F13A1: variants seen among roughly 807,000 people sequenced by gnomAD.
F13A1 encodes the protein coagulation factor XIII A chain, also known as FSF, A subunit.
In F13A1, 47 loss-of-function variants were observed where a neutral mutation model predicts 80.1. That is an observed-to-expected ratio of 0.59 (90% CI 0.46 to 0.75). The LOEUF (loss-of-function observed/expected upper bound fraction) is 0.75, where lower values mean the gene tolerates loss of function less well. Ranked by LOEUF, F13A1 falls within the 30% of genes least tolerant of loss-of-function variation. The probability of loss-of-function intolerance (pLI) is 0.00; values close to 1 mark genes in which losing one functional copy is unlikely to be tolerated. For missense variants in F13A1, 817 were observed against 930.4 expected, an observed-to-expected ratio of 0.88 and a Z score of 1.59; for synonymous variants, 349 against 344.9, an observed-to-expected ratio of 1.01 and a Z score of -0.13.
chr6:6,303,540 G>T (rs564513276), intron 3 of F13A1, among the ~76,000 whole-genome samples: 14 of 152,128 alleles, frequency 9.2e-5, no homozygotes, highest in Admixed American at 6.5e-4. Flanking sequence ...CCATTTCTTT[G>T]TGGTGAGAAT....
intron 11 of F13A1, among the ~76,000 whole-genome samples, chr6:6,181,740 T>C (rs1172872984): frequency 6.6e-6 from 1 of 152,238 alleles, no homozygotes; most frequent in Non-Finnish European, 1.5e-5. Flanking sequence ...AAATTAGGTA[T>C]GACTTTAAAC....
chr6:6,214,333 C>T (rs190219674), intron 8 of F13A1, among the ~76,000 whole-genome samples: 9,275 of 151,704 alleles, frequency 0.061, 417 homozygotes, highest in Admixed American at 0.095. Context: ...AACTATGTCT[C>T]AGACCACAGT....
rs757256449 is a variant in F13A1, at chr6:6,305,332, G to C, written c.319+19C>G. On this transcript the variant is annotated intron_variant, in intron 3 of 14. Coordinates refer to ENST00000264870, the MANE Select transcript of F13A1 (RefSeq NM_000129.4). Reference sequence around the variant, plus strand: ...TGCAACCCATGGTGTCAAGACTGGAGCTTGCACATGGCACTCACCAATGAC... The same window carrying C: ...TGCAACCCATGGTGTCAAGACTGGACCTTGCACATGGCACTCACCAATGAC... The C allele has an allele frequency of 2.5e-6, 4 of 1,613,906 alleles. No individual in the cohort carries two copies. The African/African-American group carries it at 5.3e-5, about 22-fold the overall frequency.
At chr6:6,145,806 G>A (rs1583041214) in intron 14 of F13A1, 34 bp from the exon 15 acceptor site, 2 of 1,613,820 alleles carry the variant, frequency 1.2e-6, no homozygotes, top group Non-Finnish European at 1.7e-6. Flanking sequence ...GAGGTTGGAA[G>A]ATCCAGCTTT....
rs1274704993 is a variant in F13A1 at position 6,299,577 on chromosome 6, C to T, written c.319+5774G>A. 3.7e-4 allele frequency among the ~76,000 whole-genome samples: 52 copies of T among 139,664 alleles called. 3 individuals are homozygous for T. Among genetic ancestry groups the T allele is most frequent in the African/African-American group, 1.4e-3 (46 of 32,112 alleles). The allele number at this position is 139,664 out of a possible 152,430, so 91.6% of individuals were successfully genotyped here. The stretch of plus-strand genomic sequence containing the variant: ...GCTTCTGCATTCTTCACGTAGTTCT[C>T]GAGCCTTGCTTTTCAGCTCCATCAG... On this transcript the variant is annotated intron_variant, in intron 3 of 14. Coordinates refer to ENST00000264870, the MANE Select transcript of F13A1 (RefSeq NM_000129.4).
chr6:6,198,401 GAAA>G (rs1761329741), intron 8 of F13A1, among the ~76,000 whole-genome samples: 1 of 152,154 alleles, frequency 6.6e-6, no homozygotes, highest in Non-Finnish European at 1.5e-5. Context: ...TAGTAATAAA[GAAA>G]GATTTAATAA....
At chr6:6,300,804 G>A (rs376153326) in intron 3 of F13A1, among the ~76,000 whole-genome samples, 2 of 146,456 alleles carry the variant, frequency 1.4e-5, no homozygotes, top group African/African-American at 5.3e-5. Context: ...TTTTAACAAA[G>A]TATTTATTCT....
At chr6:6,303,910 T>C (rs1203693560) in intron 3 of F13A1, among the ~76,000 whole-genome samples, 1 of 152,222 alleles carries the variant, frequency 6.6e-6, no homozygotes, top group Non-Finnish European at 1.5e-5. Flanking sequence ...ATATTTATCT[T>C]CTATCTAGCC....
rs1366920232 is a variant in F13A1 at position 6,305,581 on chromosome 6, A to G, written c.131-42T>C. On this transcript the variant is annotated intron_variant, in intron 2 of 14. Coordinates refer to ENST00000264870, the MANE Select transcript of F13A1 (RefSeq NM_000129.4). ...CAAGGGTTGAAGAAAATAATCAACT[A>G]ACTTTAGTTTAAACATAAACTCAAA... is the stretch of plus-strand genomic sequence containing the variant. 4 of 1,594,992 alleles carry G rather than the reference A, an allele frequency of 2.5e-6. No individual in the cohort carries two copies. In the African/African-American group the frequency reaches 5.4e-5, roughly 21 times the overall value.
At chr6:6,201,297 C>T (rs1007737196) in intron 8 of F13A1, among the ~76,000 whole-genome samples, 1 of 152,214 alleles carries the variant, frequency 6.6e-6, no homozygotes, top group Non-Finnish European at 1.5e-5. Context: ...TAATTAGTTA[C>T]ACATGATCTC....
chr6:6,164,830 C>T (rs776449939), intron 13 of F13A1, among the ~76,000 whole-genome samples: 9 of 150,246 alleles, frequency 6.0e-5, no homozygotes, highest in Non-Finnish European at 1.2e-4. Context: ...TTCTTCTCTC[C>T]TCTCCCTCCC....
intron 8 of F13A1, among the ~76,000 whole-genome samples, chr6:6,204,462 G>A (rs1440296688): frequency 6.6e-6 from 1 of 152,220 alleles, no homozygotes; most frequent in Non-Finnish European, 1.5e-5. Flanking sequence ...CAAATCATTT[G>A]TGTATTTGTA....
intron 10 of F13A1, among the ~76,000 whole-genome samples, chr6:6,185,044 G>C (rs548906866): frequency 6.6e-6 from 1 of 152,196 alleles, no homozygotes; most frequent in South Asian, 2.1e-4. Flanking sequence ...ACGCTCTATG[G>C]TAGAACAATA....
Position 6,318,644 on chromosome 6 carries a change from G to C in F13A1, c.21C>G (p.Thr7=). The part of the protein sequence containing the change: MSETSR[T]AFGGRRAVPP... Reference sequence around the variant, plus strand: ...GAACTGCTCTTCTGCCTCCAAAGGCGGTCCTGGAAGTTTCTGACATTTTTG... The same window carrying C: ...GAACTGCTCTTCTGCCTCCAAAGGCCGTCCTGGAAGTTTCTGACATTTTTG... The change falls in exon 2 of 15, where the codon ACC becomes ACG. Residue 7 remains threonine (T), a synonymous_variant. Transcript: ENST00000264870. 6.2e-7 allele frequency: 1 copy of C among 1,612,990 alleles called. No homozygotes were observed. Among genetic ancestry groups the C allele is most frequent in the Non-Finnish European group, 8.5e-7 (1 of 1,179,884 alleles).
intron 2 of F13A1, among the ~76,000 whole-genome samples, chr6:6,311,510 G>C (rs1285542641): frequency 2.0e-5 from 2 of 101,014 alleles, no homozygotes; most frequent in Non-Finnish European, 3.8e-5. Context: ...TTTGAGAATA[G>C]AAAACCTAAG....
chr6:6,289,624 G>T (rs1267914), intron 3 of F13A1, among the ~76,000 whole-genome samples: 30,170 of 151,776 alleles, frequency 0.2, 3,546 homozygotes, highest in East Asian at 0.45. Flanking sequence ...CAAAATCTCG[G>T]TCCTCCAATT....
intron 13 of F13A1, among the ~76,000 whole-genome samples, chr6:6,158,940 T>C (rs550029064): frequency 1.8e-4 from 27 of 151,128 alleles, no homozygotes; most frequent in Non-Finnish European, 3.1e-4. Flanking sequence ...CTTGCTCTGT[T>C]GCCCAGGCTG....
intron 3 of F13A1, among the ~76,000 whole-genome samples, chr6:6,300,464 G>A (rs1311248249): frequency 2.0e-5 from 3 of 152,014 alleles, no homozygotes; most frequent in African/African-American, 4.8e-5. Flanking sequence ...TTTTAAGCCT[G>A]TCGGAAAAGT....
chr6:6,297,191 T>C (rs201667559), intron 3 of F13A1, among the ~76,000 whole-genome samples: 6,592 of 148,944 alleles, frequency 0.044, 396 homozygotes, highest in African/African-American at 0.14. Flanking sequence ...TCATCAAAGA[T>C]ATTGGTCTAA....
Sources: allele counts gnomAD v4.1 joint callset (sites outside exome capture counted in the v4.1 genomes callset), GRCh38; gene constraint gnomAD v4.1.1; transcripts MANE v1.5; gene names NCBI Gene and HGNC (gene_info 2026-07-23, HGNC 2026-07-21).